The following DORIP1 variants were observed in gnomAD, a reference collection of about 807,000 sequenced individuals.
DORIP1 encodes the protein dopamine receptor-interacting protein 1.
chr14:44,904,146 A>G, the DORIP1 span: 1 of 985,282 alleles, frequency 1.0e-6, no homozygotes, highest in African/African-American at 1.7e-5. Flanking sequence ...TCATAGGCTT[A>G]TACAGAAATA....
At chr14:44,900,809 CTTCA>C in the DORIP1 span, 1 of 1,614,012 alleles carries the variant, frequency 6.2e-7, no homozygotes, top group Non-Finnish European at 8.5e-7. Context: ...GTCCATAAAG[CTTCA>C]TTAATAATTG....
chr14:44,900,891 G>C, the DORIP1 span: 1 of 1,613,634 alleles, frequency 6.2e-7, no homozygotes, highest in Non-Finnish European at 8.5e-7. Flanking sequence ...CCATTCAAGA[G>C]AGTTACTGTT....
chr14:44,904,581 C>T, the DORIP1 span: 13 of 1,491,504 alleles, frequency 8.7e-6, no homozygotes, highest in South Asian at 1.7e-4. Context: ...AAAATTTATC[C>T]TGTTATATTA....
At chr14:44,905,049 C>G in the DORIP1 span, 4 of 202,524 alleles carry the variant, frequency 2.0e-5, no homozygotes, top group African/African-American at 4.6e-5. Flanking sequence ...TTACTTGTCA[C>G]TATAAATAAA....
At chr14:44,900,987 A>C in the DORIP1 span, 3 of 1,531,562 alleles carry the variant, frequency 2.0e-6, no homozygotes, top group East Asian at 4.5e-5. Context: ...CTGTTTTGTC[A>C]CTTTTACTTT....
chr14:44,898,706 T>A, the DORIP1 span, among the ~76,000 whole-genome samples: 450 of 152,294 alleles, frequency 3.0e-3, 8 homozygotes, highest in East Asian at 1.3e-3. Context: ...TCTTCCTAAG[T>A]GGATGACTAG....
chr14:44,904,652 T>C, the DORIP1 span: 14 of 1,058,140 alleles, frequency 1.3e-5, no homozygotes, highest in African/African-American at 2.3e-4. Context: ...TCTAAATTTA[T>C]GTATTCTGAA....
At chr14:44,904,120 CTGCAGAGTTA>C in the DORIP1 span, 1 of 985,328 alleles carries the variant, frequency 1.0e-6, no homozygotes, top group East Asian at 1.1e-4. Flanking sequence ...TGTATCAGTT[CTGCAGAGTTA>C]TGCTTTCATA....
the DORIP1 span, chr14:44,900,520 TGGG>T: frequency 1.3e-6 from 2 of 1,598,628 alleles, no homozygotes; most frequent in Non-Finnish European, 1.7e-6. Context: ...TGTTCTTCCT[TGGG>T]GGGGTGTTTT....
chr14:44,900,526 G>T, the DORIP1 span: 1 of 1,598,846 alleles, frequency 6.3e-7, no homozygotes, highest in African/African-American at 1.4e-5. Flanking sequence ...TCCTTGGGGG[G>T]GTGTTTTTAC....
chr14:44,904,505 ATTAC>A, the DORIP1 span: 2 of 1,605,332 alleles, frequency 1.2e-6, no homozygotes, highest in African/African-American at 2.7e-5. Flanking sequence ...TATGTACCCT[ATTAC>A]TTGGATTTGT....
chr14:44,898,642 T>C, the DORIP1 span, among the ~76,000 whole-genome samples: 1 of 152,218 alleles, frequency 6.6e-6, no homozygotes, highest in African/African-American at 2.4e-5. Context: ...TCAGTATCTA[T>C]TACGAAGAAA....
the DORIP1 span, chr14:44,904,488 T>G: frequency 6.2e-7 from 1 of 1,612,156 alleles, no homozygotes; most frequent in Admixed American, 1.7e-5. Context: ...AATCTGAAGA[T>G]CTGGCGTATG....
chr14:44,900,493 C>A, the DORIP1 span: 2 of 1,573,352 alleles, frequency 1.3e-6, no homozygotes, highest in Non-Finnish European at 8.6e-7. Context: ...TAACCAAGAT[C>A]GATCATTTTG....
chr14:44,902,489 C>T, the DORIP1 span, among the ~76,000 whole-genome samples: 12 of 152,066 alleles, frequency 7.9e-5, no homozygotes, highest in African/African-American at 2.2e-4. Context: ...CCACCATGCC[C>T]GGCTAATTTT....
chr14:44,903,431 G>A, the DORIP1 span: 16 of 1,434,716 alleles, frequency 1.1e-5, no homozygotes, highest in Middle Eastern at 2.1e-4. Context: ...TTTTTGTTAC[G>A]GAGTATATCA....
At chr14:44,907,130 A>G in the DORIP1 span, 1 of 152,658 alleles carries the variant, frequency 6.6e-6, no homozygotes, top group Non-Finnish European at 1.5e-5. Flanking sequence ...TATTTGGAAT[A>G]CTAGTTTATC....
the DORIP1 span, among the ~76,000 whole-genome samples, chr14:44,899,611 A>G: frequency 3.3e-5 from 5 of 152,142 alleles, 1 homozygote; most frequent in African/African-American, 1.2e-4. Context: ...AACAAATAAA[A>G]TATGTAGTAT....
At chr14:44,905,684 T>G in the DORIP1 span, 3 of 548,938 alleles carry the variant, frequency 5.5e-6, no homozygotes, top group Non-Finnish European at 8.8e-6. Context: ...TTTCAGTGTT[T>G]AACCCCAGGT....
Sources: allele counts gnomAD v4.1 joint callset (sites outside exome capture counted in the v4.1 genomes callset), GRCh38; gene constraint gnomAD v4.1.1; transcripts MANE v1.5; gene names NCBI Gene and HGNC (gene_info 2026-07-23, HGNC 2026-07-21).